Variants in GLIS1 observed in about 807,000 individuals in gnomAD.
The protein encoded by GLIS1 is GLIS family zinc finger 1, also known as zinc finger protein GLIS1.
A neutral mutation model predicts 63.8 loss-of-function variants in GLIS1; 24 were observed. That is an observed-to-expected ratio of 0.38 (90% confidence interval 0.27 to 0.53). The LOEUF (loss-of-function observed/expected upper bound fraction) is 0.53. GLIS1 is among the 20% of genes least tolerant of loss of function. The pLI, the probability that GLIS1 is intolerant of heterozygous loss-of-function variation, is 0.85. For missense variants in GLIS1, 1,036 were observed against 1,074.1 expected (o/e 0.96, Z 0.50); for synonymous variants, 450 against 482.5 (o/e 0.93, Z 0.88).
chr1:53,519,884 G>A (rs1480147692), intron 7 of GLIS1, among the ~76,000 whole-genome samples: 2 of 152,232 alleles, frequency 1.3e-5, no homozygotes, highest in African/African-American at 2.4e-5. Flanking sequence ...TCTTCTTGAA[G>A]ACGGTTCCTC....
At chr1:53,520,875 C>T (rs1644401422) in intron 6 of GLIS1, 109 bp from the exon 7 acceptor site, 29 of 1,198,328 alleles carry the variant, frequency 2.4e-5, no homozygotes, top group Non-Finnish European at 3.3e-5. Context: ...GGGCAAGACC[C>T]TTCCCTTCAC....
chr1:53,696,416 G>T (rs1323345477), intron 2 of GLIS1, among the ~76,000 whole-genome samples: 1 of 152,120 alleles, frequency 6.6e-6, no homozygotes, highest in African/African-American at 2.4e-5. Context: ...ATTTTTAGAG[G>T]TTTCACGTAA....
At chr1:53,544,363 G>T (rs1013947558) in intron 4 of GLIS1, among the ~76,000 whole-genome samples, 2 of 152,160 alleles carry the variant, frequency 1.3e-5, no homozygotes, top group South Asian at 4.1e-4. Flanking sequence ...GTGCAGTCCG[G>T]CCCCCGGGGC....
rs973087559 is a variant in GLIS1 at position 53,539,149 on chromosome 1, G to A, written c.1321-9197C>T. 4.0e-5 allele frequency among the ~76,000 whole-genome samples: 6 copies of A among 151,744 alleles called. No individual in the cohort carries two copies. Among genetic ancestry groups the A allele is most frequent in the African/African-American group, 7.3e-5 (3 of 41,226 alleles). ...AGCCACCAGCCACAGGCCCAGAAAC[G>A]TGGACACTCACACACTCTGATGTGA... On this transcript the variant is annotated intron_variant, in intron 4 of 10. Transcript: ENST00000628545. This position sits in a 1 kb window ranked among gnomAD's most constrained non-coding sequence, Gnocchi z 5.0.
At chr1:53,538,033 G>T (rs1644599482) in intron 4 of GLIS1, among the ~76,000 whole-genome samples, 1 of 152,228 alleles carries the variant, frequency 6.6e-6, no homozygotes. Flanking sequence ...AGCAAGCTGG[G>T]CACTGAGGGC....
intron 2 of GLIS1, among the ~76,000 whole-genome samples, chr1:53,694,593 T>A (rs1229220544): frequency 6.6e-6 from 1 of 152,180 alleles, no homozygotes; most frequent in Non-Finnish European, 1.5e-5. Flanking sequence ...AAGCCCAAGC[T>A]GGGCAGACAC....
intron 2 of GLIS1, among the ~76,000 whole-genome samples, chr1:53,672,076 G>A (rs1257287389): frequency 2.6e-5 from 4 of 152,188 alleles, no homozygotes; most frequent in African/African-American, 9.7e-5. Context: ...AGGGTAGGAG[G>A]GCCAAGGCCA....
intron 2 of GLIS1, among the ~76,000 whole-genome samples, chr1:53,720,885 C>A (rs1436302924): frequency 1.3e-5 from 2 of 152,076 alleles, no homozygotes; most frequent in Non-Finnish European, 2.9e-5. Context: ...GTAGTCCCAG[C>A]TACCTTAGAG....
At chr1:53,538,616 C>A (rs932029224) in intron 4 of GLIS1, among the ~76,000 whole-genome samples, 11 of 152,232 alleles carry the variant, frequency 7.2e-5, no homozygotes, top group Admixed American at 7.2e-4. Flanking sequence ...AAGCAGCTGG[C>A]AGGCCAGGGA....
intron 2 of GLIS1, among the ~76,000 whole-genome samples, chr1:53,736,044 T>C (rs535544927): frequency 6.6e-6 from 1 of 152,292 alleles, no homozygotes; most frequent in African/African-American, 2.4e-5. Flanking sequence ...CTCAGTTTCC[T>C]CACCCTTCAA....
In GLIS1 at chr1:53,590,294, C is replaced by T. The variant is rs147534340; in HGVS notation, c.1320+3814G>A. On this transcript the variant is annotated intron_variant, in intron 4 of 10. Transcript: ENST00000628545. ...GTCACACAGCTGCCAAGTGACTAAACCAGGCTGGGTCCCAGGTCTGTGGGA... is the reference window on the plus strand; with the variant it reads ...GTCACACAGCTGCCAAGTGACTAAATCAGGCTGGGTCCCAGGTCTGTGGGA... Among the ~76,000 whole-genome samples, 5 of 152,248 alleles carry T rather than the reference C, an allele frequency of 3.3e-5. No individual in the cohort carries two copies. In the East Asian group the frequency reaches 9.6e-4, roughly 29 times the overall value.
chr1:53,559,729 C>A (rs1175989433), intron 4 of GLIS1, among the ~76,000 whole-genome samples: 1 of 152,198 alleles, frequency 6.6e-6, no homozygotes, highest in East Asian at 1.9e-4. Flanking sequence ...CAGCCAGCCA[C>A]CCGCCATGCA....
At chr1:53,696,559 C>T (rs11810595) in intron 2 of GLIS1, among the ~76,000 whole-genome samples, 9,742 of 152,258 alleles carry the variant, frequency 0.064, 375 homozygotes, top group South Asian at 0.14. Context: ...GCTAAAAACT[C>T]TCCATGGCCC....
intron 4 of GLIS1, among the ~76,000 whole-genome samples, chr1:53,564,450 G>A (rs907974044): frequency 6.6e-6 from 1 of 152,072 alleles, no homozygotes; most frequent in Non-Finnish European, 1.5e-5. Flanking sequence ...AAAGTAGAAA[G>A]CAAAATGTAA....
At chr1:53,737,230 A>G (rs1646920807) in intron 2 of GLIS1, among the ~76,000 whole-genome samples, 1 of 152,232 alleles carries the variant, frequency 6.6e-6, no homozygotes, top group African/African-American at 2.4e-5. Flanking sequence ...GTGACCCAAG[A>G]CTAGGCTGCC....
chr1:53,551,322 A>C (rs945462381), intron 4 of GLIS1, among the ~76,000 whole-genome samples: 3 of 152,220 alleles, frequency 2.0e-5, no homozygotes, highest in Admixed American at 6.5e-5. Flanking sequence ...AGAAATTTAA[A>C]ACACCTGCCT....
At chr1:53,529,750 C>T in intron 5 of GLIS1, 41 bp downstream of exon 5, 2 of 1,588,520 alleles carry the variant, frequency 1.3e-6, no homozygotes, top group South Asian at 2.3e-5. Context: ...GGTGTGTGGC[C>T]ATCCTCCACC....
In GLIS1 at chr1:53,594,885, T is replaced by C. The variant is rs907757065; in HGVS notation, c.543A>G (p.Thr181=). 2.6e-6 allele frequency: 4 copies of C among 1,549,002 alleles called. No homozygotes were observed. The African/African-American group carries it at 4.1e-5, about 16-fold the overall frequency. The change falls in exon 4 of 11, where the codon ACA becomes ACG. Residue 181 remains threonine, a synonymous_variant. Transcript: ENST00000628545. ...PDYQAMAEAR[T]SLSAHCRGPL... The stretch of plus-strand genomic sequence containing the variant: ...GGCCCCGACAGTGGGCAGACAGGGA[T>C]GTGCGGGCCTCTGCCATGGCTTGGT...
At chr1:53,589,605 G>A (rs1645168815) in intron 4 of GLIS1, among the ~76,000 whole-genome samples, 1 of 152,204 alleles carries the variant, frequency 6.6e-6, no homozygotes. Context: ...GATTTCTCTG[G>A]CCCTAGATTC....
Sources: gnomAD v4.1 joint callset for allele counts (sites outside exome capture counted in the v4.1 genomes callset) on GRCh38, gnomAD v4.1.1 for gene constraint, Gnocchi (gnomAD v3.1) non-coding constraint, MANE v1.5 for transcripts, NCBI Gene and HGNC (gene_info 2026-07-23, HGNC 2026-07-21) for gene names.